ZNF362: variants seen among roughly 807,000 people sequenced by gnomAD.
ZNF362 encodes the protein rotund homolog.
In ZNF362, 11 loss-of-function variants were observed where a neutral mutation model predicts 42.9. That is an observed-to-expected ratio of 0.26 (90% CI 0.16 to 0.42). The LOEUF (loss-of-function observed/expected upper bound fraction) is 0.42, where lower values mean the gene tolerates loss of function less well. Among genes scored for constraint, ZNF362 ranks in the 20% least tolerant of loss-of-function variants. ZNF362 has a pLI of 1.00. For synonymous variants in ZNF362, 255 were observed against 257.3 expected, an observed-to-expected ratio of 0.99 and a Z score of 0.09; for missense variants, 362 against 576.2, an observed-to-expected ratio of 0.63 and a Z score of 3.81.
chr1:33,181,427 C>A, the ZNF362 span: 3 of 1,593,420 alleles, frequency 1.9e-6, no homozygotes, highest in African/African-American at 4.1e-5. The surrounding 1 kb of genome is among the most constrained non-coding windows in gnomAD (Gnocchi z 6.5). Flanking sequence ...TGAGGCTGCA[C>A]GCCATGGCGC....
chr1:33,169,187 C>G, the ZNF362 span, among the ~76,000 whole-genome samples: 110 of 152,254 alleles, frequency 7.2e-4, 1 homozygote, highest in Middle Eastern at 3.4e-3. Flanking sequence ...ACACTTACAT[C>G]ATGGGGAATG....
chr1:33,277,534 G>A (rs999578658), intron 4 of ZNF362, among the ~76,000 whole-genome samples: 6 of 152,336 alleles, frequency 3.9e-5, no homozygotes, highest in East Asian at 1.9e-4. Flanking sequence ...TGAGAAAACC[G>A]AGTCTGGCTG....
chr1:33,262,432 G>A (rs1246127508), intron 1 of ZNF362, among the ~76,000 whole-genome samples: 2 of 149,604 alleles, frequency 1.3e-5, no homozygotes, highest in Non-Finnish European at 3.0e-5. Context: ...TCAGCCTCCC[G>A]AGTAGCTGGG....
chr1:33,140,580 C>T, the ZNF362 span, among the ~76,000 whole-genome samples: 1 of 152,192 alleles, frequency 6.6e-6, no homozygotes, highest in Non-Finnish European at 1.5e-5. This position sits in a 1 kb window ranked among gnomAD's most constrained non-coding sequence, Gnocchi z 4.0. Flanking sequence ...CCTGATATCC[C>T]AGGGCTTTCT....
chr1:33,138,474 A>G, the ZNF362 span, among the ~76,000 whole-genome samples: 1 of 152,098 alleles, frequency 6.6e-6, no homozygotes, highest in African/African-American at 2.4e-5. Flanking sequence ...GAGCCTAGGC[A>G]ACATAGCGAG....
At chr1:33,198,486 G>A in the ZNF362 span, among the ~76,000 whole-genome samples, 1 of 152,230 alleles carries the variant, frequency 6.6e-6, no homozygotes, top group African/African-American at 2.4e-5. Context: ...GGACAACATG[G>A]CAAAACCCCA....
chr1:33,159,563 T>G, the ZNF362 span: 5 of 1,351,986 alleles, frequency 3.7e-6, no homozygotes, highest in Non-Finnish European at 4.9e-6. This position sits in a 1 kb window ranked among gnomAD's most constrained non-coding sequence, Gnocchi z 4.2. Context: ...GTCCCGTAAA[T>G]GTTTGATGAA....
At chr1:33,225,354 TTTAC>T in the ZNF362 span, among the ~76,000 whole-genome samples, 3 of 152,302 alleles carry the variant, frequency 2.0e-5, no homozygotes, top group Non-Finnish European at 4.4e-5. Context: ...TATTATATAT[TTTAC>T]TTACTTATAC....
chr1:33,277,704 G>A (rs6671383), intron 4 of ZNF362, among the ~76,000 whole-genome samples: 8,831 of 152,232 alleles, frequency 0.058, 350 homozygotes, highest in African/African-American at 0.12. Flanking sequence ...AGCATGAGGG[G>A]AGGGAGGAGG....
In ZNF362 at chr1:33,270,800, C is replaced by CA. The variant is rs540301974; in HGVS notation, c.38+189dup. On this transcript the variant is annotated intron_variant, in intron 2 of 8. Transcript: ENST00000539719. Reference sequence around the variant, plus strand: ...GTCGTGGTGGCTGTGGGTTCCTCCTCACGGCAGCTGCTGGGTCCCCATCAG... The same window carrying CA: ...GTCGTGGTGGCTGTGGGTTCCTCCTCAACGGCAGCTGCTGGGTCCCCATCAG... 1.5e-3 allele frequency among the ~76,000 whole-genome samples: 232 copies of CA among 152,270 alleles called. 1 individual carries two copies. The highest frequency in any genetic ancestry group is 5.4e-3 in the African/African-American group (226 of 41,536).
At chr1:33,198,231 G>A in the ZNF362 span, among the ~76,000 whole-genome samples, 1 of 152,194 alleles carries the variant, frequency 6.6e-6, no homozygotes, top group Non-Finnish European at 1.5e-5. Context: ...AGTCGGCCAA[G>A]TGTGGTGGCT....
chr1:33,178,591 A>G, the ZNF362 span, among the ~76,000 whole-genome samples: 1 of 152,216 alleles, frequency 6.6e-6, no homozygotes, highest in Non-Finnish European at 1.5e-5. Context: ...TGAACCTCAA[A>G]TAGCAGGTTA....
the ZNF362 span, among the ~76,000 whole-genome samples, chr1:33,139,737 C>T: frequency 6.6e-6 from 1 of 152,158 alleles, no homozygotes; most frequent in African/African-American, 2.4e-5. Flanking sequence ...GGCCATTAGC[C>T]TGTATTGGGC....
chr1:33,260,113 A>G (rs1645819619), intron 1 of ZNF362, among the ~76,000 whole-genome samples: 1 of 152,206 alleles, frequency 6.6e-6, no homozygotes, highest in Admixed American at 6.5e-5. Flanking sequence ...CCTGCCATGA[A>G]TTTGAGAACC....
At chr1:33,256,328 G>C (rs982482600), upstream of ZNF362, among the ~76,000 whole-genome samples, 2 of 143,682 alleles carry the variant, frequency 1.4e-5, no homozygotes, top group Non-Finnish European at 3.1e-5. Flanking sequence ...GGGAGCCCCC[G>C]GGGCCGGACG....
At chr1:33,136,113 CCCTTCCTTCCTTCCTTCCTTCCTTCCTT>C in the ZNF362 span, among the ~76,000 whole-genome samples, 3 of 103,512 alleles carry the variant, frequency 2.9e-5, no homozygotes, top group African/African-American at 3.9e-5. Context: ...CAGGGGCCAG[CCCTTCCTTCCTTCCTTCCTTCCTTCCTT>C]CCTTCCTTCC....
At chr1:33,137,801 A>G in the ZNF362 span, among the ~76,000 whole-genome samples, 1 of 152,218 alleles carries the variant, frequency 6.6e-6, no homozygotes, top group East Asian at 1.9e-4. Context: ...TTCTGAGGGA[A>G]AGCTGGCCAC....
the ZNF362 span, among the ~76,000 whole-genome samples, chr1:33,169,715 TA>T: frequency 2.6e-5 from 4 of 152,166 alleles, no homozygotes; most frequent in Non-Finnish European, 5.9e-5. Context: ...TGCAATTAAT[TA>T]AAATGAAATA....
In ZNF362 at chr1:33,294,262, T is replaced by C. The variant is rs1307511662; in HGVS notation, c.909-675T>C. Among the ~76,000 whole-genome samples, 3 of 152,240 alleles carry C rather than the reference T, an allele frequency of 2.0e-5. No homozygotes were observed. The highest frequency in any genetic ancestry group is 6.5e-5 in the Admixed American group (1 of 15,288). On this transcript the variant is annotated intron_variant, in intron 6 of 8. Coordinates refer to ENST00000539719, the MANE Select transcript of ZNF362 (RefSeq NM_152493.3). The surrounding 1 kb of genome is among the most constrained non-coding windows in gnomAD (Gnocchi z 4.2). ...CGATGAGATAGGAACTGTATTTTTA[T>C]ACCCATTTTGCAGATGAGGAAACTG... is the stretch of plus-strand genomic sequence containing the variant.
Sources: allele counts gnomAD v4.1 joint callset (sites outside exome capture counted in the v4.1 genomes callset), GRCh38; gene constraint gnomAD v4.1.1; non-coding constraint Gnocchi (gnomAD v3.1); transcripts MANE v1.5; gene names NCBI Gene and HGNC (gene_info 2026-07-23, HGNC 2026-07-21).